Variants in BLMH observed in about 807,000 individuals in gnomAD.
The protein encoded by BLMH is bleomycin hydrolase, also known as BLM hydrolase.
In BLMH, 32 loss-of-function variants were observed where a neutral mutation model predicts 61.6. That is an observed-to-expected ratio of 0.52 (90% CI 0.39 to 0.70). The LOEUF is 0.70. Ranked by LOEUF, BLMH falls within the 30% of genes least tolerant of loss-of-function variation. The pLI is 0.00. For synonymous variants in BLMH, 183 were observed against 193.8 expected, an observed-to-expected ratio of 0.94 and a Z score of 0.46; for missense variants, 460 against 555.5, an observed-to-expected ratio of 0.83 and a Z score of 1.73.
chr17:30,285,366 A>C (rs1908697518), intron 6 of BLMH, 22 bp downstream of exon 6: 1 of 1,588,502 alleles, frequency 6.3e-7, no homozygotes, highest in Admixed American at 1.7e-5. Flanking sequence ...GGGTCACAAA[A>C]AAATCCAAAT....
chr17:30,271,515 G>T, intron 9 of BLMH, 127 bp from the exon 10 acceptor site: 1 of 663,834 alleles, frequency 1.5e-6, no homozygotes. Context: ...GGCTCTAGCT[G>T]TAGCTCTTCA....
At chr17:30,281,693 G>C (rs1908597451) in intron 6 of BLMH, among the ~76,000 whole-genome samples, 1 of 152,034 alleles carries the variant, frequency 6.6e-6, no homozygotes, top group Admixed American at 6.6e-5. Flanking sequence ...CTGAGATGGG[G>C]TCTCGCTCTG....
At chr17:30,279,834 G>A in intron 6 of BLMH, among the ~76,000 whole-genome samples, 1 of 152,134 alleles carries the variant, frequency 6.6e-6, no homozygotes, top group Non-Finnish European at 1.5e-5. Flanking sequence ...CCCTAGTGGA[G>A]AGATCTGTTT....
Position 30,285,440 on chromosome 17 carries a change from C to T in BLMH, c.593G>A (p.Ser198Asn), listed in dbSNP as rs1293091515. 6.2e-7 allele frequency: 1 copy of T among 1,613,154 alleles called. No individual in the cohort carries two copies. The highest frequency in any genetic ancestry group is 8.5e-7 in the Non-Finnish European group (1 of 1,179,522). Residue 198 changes from serine to asparagine, a missense_variant, in exon 6 of 12, where the codon AGT becomes AAT. Ser to Asn is a conservative substitution (Grantham distance 46). This residue lies in a region of BLMH where 310 missense variants were observed against 371.1 expected (regional missense o/e 0.84). Coordinates refer to ENST00000261714, the MANE Select transcript of BLMH (RefSeq NM_000386.4). ...FCIRLRNLVH[S>N]GATKGEISAT... The stretch of plus-strand genomic sequence containing the variant: ...CGAGATTTCTCCTTTGGTTGCTCCA[C>T]TGTGTACCAGGTTCCGCAGTCGTAT...
chr17:30,264,302 T>A (rs1567833249), intron 11 of BLMH, among the ~76,000 whole-genome samples: 1 of 152,198 alleles, frequency 6.6e-6, no homozygotes, highest in Non-Finnish European at 1.5e-5. Flanking sequence ...AAAGTTAATC[T>A]TTACTAGATA....
At chr17:30,279,297 A>C (rs1445123633) in intron 6 of BLMH, among the ~76,000 whole-genome samples, 1 of 152,174 alleles carries the variant, frequency 6.6e-6, no homozygotes, top group Non-Finnish European at 1.5e-5. Context: ...AAATTGAGCT[A>C]AATTTTTTGA....
chr17:30,275,562 T>G (rs915957222), intron 6 of BLMH, among the ~76,000 whole-genome samples: 15 of 151,914 alleles, frequency 9.9e-5, no homozygotes, highest in African/African-American at 3.6e-4. Flanking sequence ...GGTATGTACC[T>G]ATAATCCCAG....
intron 3 of BLMH, among the ~76,000 whole-genome samples, chr17:30,288,990 A>G (rs1239793713): frequency 6.6e-6 from 1 of 152,156 alleles, no homozygotes; most frequent in Non-Finnish European, 1.5e-5. Context: ...CAAATAAACA[A>G]TCAAATAAAA....
chr17:30,276,759 GTTT>G (rs1195051677), intron 6 of BLMH, among the ~76,000 whole-genome samples: 1 of 152,098 alleles, frequency 6.6e-6, no homozygotes, highest in Non-Finnish European at 1.5e-5. Context: ...CTAACAATTC[GTTT>G]TTTAAAAACA....
rs558900164 is a variant in BLMH at position 30,268,725 on chromosome 17, AAAAC to A, written c.1147-1775_1147-1772del. ...AAGTTTTTGTTTGTTTGTTTTTTTA[AAAAC>A]AAACAAACAAACAAAACAAATTCTC... On this transcript the variant is annotated intron_variant, in intron 10 of 11. Coordinates refer to ENST00000261714, the MANE Select transcript of BLMH (RefSeq NM_000386.4). Among the ~76,000 whole-genome samples the A allele has an allele frequency of 6.7e-3, 1,015 of 151,336 alleles. 9 individuals carry two copies. Among genetic ancestry groups the A allele is most frequent in the African/African-American group, 0.016 (643 of 40,916 alleles).
chr17:30,275,986 A>G (rs1038902852), intron 6 of BLMH, among the ~76,000 whole-genome samples: 1 of 152,200 alleles, frequency 6.6e-6, no homozygotes, highest in Middle Eastern at 3.4e-3. Flanking sequence ...CGTAATTCTC[A>G]TAATACCCTC....
intron 6 of BLMH, among the ~76,000 whole-genome samples, chr17:30,277,596 T>C (rs886437301): frequency 2.0e-5 from 3 of 152,202 alleles, no homozygotes; most frequent in African/African-American, 7.2e-5. Flanking sequence ...AGCCAGGCCC[T>C]GGCCAAAAAA....
chr17:30,253,375 C>A (rs375819277), intron 11 of BLMH, among the ~76,000 whole-genome samples: 1 of 152,136 alleles, frequency 6.6e-6, no homozygotes, highest in Non-Finnish European at 1.5e-5. Context: ...CAAGAGGACC[C>A]GCCTTGATTA....
intron 6 of BLMH, among the ~76,000 whole-genome samples, 162 bp downstream of exon 6, chr17:30,285,226 A>T (rs1274044190): frequency 6.6e-6 from 1 of 152,250 alleles, no homozygotes; most frequent in Admixed American, 6.5e-5. Flanking sequence ...TAAAAGGCAA[A>T]GTAAGTTTTA....
intron 7 of BLMH, 39 bp from the exon 8 acceptor site, chr17:30,272,938 C>T (rs2143022028): frequency 6.2e-7 from 1 of 1,603,524 alleles, no homozygotes; most frequent in East Asian, 2.2e-5. Flanking sequence ...GGCACAAAAC[C>T]AGGAATGTCA....
chr17:30,271,181 C>G, intron 10 of BLMH, 90 bp downstream of exon 10: 2 of 1,003,806 alleles, frequency 2.0e-6, no homozygotes, highest in Non-Finnish European at 3.1e-6. Flanking sequence ...ATCATATACA[C>G]TATGAATGAA....
intron 6 of BLMH, among the ~76,000 whole-genome samples, chr17:30,284,095 T>C (rs1348580487): frequency 6.6e-6 from 1 of 152,210 alleles, no homozygotes; most frequent in Non-Finnish European, 1.5e-5. Flanking sequence ...AACCCATGTA[T>C]GTCTGACTCC....
At chr17:30,289,544 G>C (rs2143057681) in intron 2 of BLMH, 62 bp from the exon 3 acceptor site, 2 of 1,113,602 alleles carry the variant, frequency 1.8e-6, no homozygotes, top group East Asian at 5.2e-5. Flanking sequence ...TGCTCCAACT[G>C]TATTTCCCAC....
At chr17:30,281,974 T>C (rs1908603643) in intron 6 of BLMH, among the ~76,000 whole-genome samples, 1 of 152,252 alleles carries the variant, frequency 6.6e-6, no homozygotes, top group African/African-American at 2.4e-5. Context: ...TGACAGCCAC[T>C]GCTATAGAAT....
Sources: gnomAD v4.1 joint callset for allele counts (sites outside exome capture counted in the v4.1 genomes callset) on GRCh38, gnomAD v4.1.1 for gene constraint, gnomAD v4.1.1 regional missense constraint, MANE v1.5 for transcripts, NCBI Gene and HGNC (gene_info 2026-07-23, HGNC 2026-07-21) for gene names.